Variants in CAB39 observed in about 807,000 individuals in gnomAD.
CAB39 encodes the protein calcium-binding protein 39.
Under a neutral mutation model 40.0 loss-of-function variants are expected in CAB39, and 8 were observed. That is an observed-to-expected ratio of 0.20 (90% confidence interval 0.12 to 0.36). The LOEUF is 0.36. Among genes scored for constraint, CAB39 ranks in the 10% least tolerant of loss-of-function variants. CAB39 has a pLI of 1.00. For missense variants in CAB39, 270 were observed against 401.1 expected (o/e 0.67, Z 2.79); for synonymous variants, 156 against 141.6 (o/e 1.10, Z -0.72).
chr2:230,807,578 A>T (rs1378318033), intron 5 of CAB39, among the ~76,000 whole-genome samples: 1 of 152,074 alleles, frequency 6.6e-6, no homozygotes, highest in African/African-American at 2.4e-5. Flanking sequence ...CAGTTTCCTG[A>T]GTTTCCAGAT....
intron 1 of CAB39, among the ~76,000 whole-genome samples, chr2:230,735,500 A>T (rs1387314330): frequency 1.4e-5 from 2 of 143,616 alleles, no homozygotes; most frequent in Non-Finnish European, 3.0e-5. Flanking sequence ...TGGTTTGTAT[A>T]CCTAGTTAAA....
At chr2:230,757,667 A>G (rs1051211711) in intron 1 of CAB39, among the ~76,000 whole-genome samples, 2 of 152,186 alleles carry the variant, frequency 1.3e-5, no homozygotes, top group Non-Finnish European at 2.9e-5. Context: ...GCACCGTAAC[A>G]CTTCCTGCAA....
intron 2 of CAB39, among the ~76,000 whole-genome samples, chr2:230,774,335 C>T (rs981879119): frequency 1.3e-5 from 2 of 152,182 alleles, no homozygotes; most frequent in African/African-American, 4.8e-5. Flanking sequence ...ATAGTTACCA[C>T]ATTAAGAATT....
intron 1 of CAB39, among the ~76,000 whole-genome samples, chr2:230,726,156 T>C (rs1192380597): frequency 6.6e-6 from 1 of 152,100 alleles, no homozygotes; most frequent in East Asian, 1.9e-4. Context: ...TGTTTTTGCT[T>C]TTTAATTTAA....
chr2:230,744,172 G>A (rs890570270), intron 1 of CAB39, among the ~76,000 whole-genome samples: 1 of 152,106 alleles, frequency 6.6e-6, no homozygotes, highest in African/African-American at 2.4e-5. Context: ...ACCTGCCTTG[G>A]CCTCCCAAAG....
chr2:230,797,561 G>C (rs796873164), intron 4 of CAB39, among the ~76,000 whole-genome samples: 8 of 152,174 alleles, frequency 5.3e-5, no homozygotes, highest in African/African-American at 1.9e-4. Context: ...GATGAGATTT[G>C]ATTTGAGACA....
chr2:230,800,820 A>G (rs1403588251), intron 5 of CAB39, among the ~76,000 whole-genome samples: 16 of 152,136 alleles, frequency 1.1e-4, no homozygotes, highest in Admixed American at 1.0e-3. Context: ...ATGTGCTGGA[A>G]ATGGGATTTG....
At chr2:230,749,316 C>T (rs372905409) in intron 1 of CAB39, among the ~76,000 whole-genome samples, 4 of 152,040 alleles carry the variant, frequency 2.6e-5, no homozygotes, top group African/African-American at 9.7e-5. Context: ...ACAGTATTTG[C>T]TTTCTGGAGT....
At chr2:230,791,118 T>A (rs1307457430) in intron 3 of CAB39, 82 bp downstream of exon 3, 3 of 1,079,976 alleles carry the variant, frequency 2.8e-6, no homozygotes, top group Non-Finnish European at 3.9e-6. Context: ...TGGAACATTG[T>A]AAGATTCCTT....
intron 1 of CAB39, among the ~76,000 whole-genome samples, chr2:230,759,096 G>A (rs1207944006): frequency 1.3e-5 from 2 of 152,124 alleles, no homozygotes; most frequent in Non-Finnish European, 2.9e-5. Context: ...TCATCCTCAG[G>A]GTTTTATCCA....
Position 230,721,746 on chromosome 2 carries a change from G to A in CAB39, c.-44+8516G>A, listed in dbSNP as rs1694457179. The stretch of plus-strand genomic sequence containing the variant: ...TAAACAGAGTTTTATTTTTGATGGT[G>A]ATTGTGTTACTGTTTTTCTGCAGAG... On this transcript the variant is annotated intron_variant, in intron 1 of 8. Transcript: ENST00000258418. Among the ~76,000 whole-genome samples the A allele has an allele frequency of 2.0e-5, 3 of 152,198 alleles. No homozygotes were observed. The South Asian group carries it at 6.2e-4, about 32-fold the overall frequency.
chr2:230,795,774 A>G (rs1396656363), intron 4 of CAB39, among the ~76,000 whole-genome samples: 1 of 152,204 alleles, frequency 6.6e-6, no homozygotes, highest in Non-Finnish European at 1.5e-5. Context: ...TTGTTTCTAT[A>G]AAGAAGAACC....
At chr2:230,779,042 G>A (rs972429878) in intron 2 of CAB39, 11 of 152,118 alleles carry the variant, frequency 7.2e-5, no homozygotes, top group African/African-American at 2.4e-4. Context: ...TGAGCATTAG[G>A]TGTGAACTTT....
chr2:230,745,993 T>G (rs910216439), intron 1 of CAB39, among the ~76,000 whole-genome samples: 6 of 152,208 alleles, frequency 3.9e-5, no homozygotes, highest in African/African-American at 1.4e-4. Context: ...TCATGTTTAT[T>G]TGACTCATAA....
At chr2:230,756,226 A>G (rs1695187309) in intron 1 of CAB39, among the ~76,000 whole-genome samples, 1 of 152,248 alleles carries the variant, frequency 6.6e-6, no homozygotes, top group Non-Finnish European at 1.5e-5. Context: ...TAGAGTGTAC[A>G]GTACTTACAC....
intron 1 of CAB39, among the ~76,000 whole-genome samples, chr2:230,753,390 A>T (rs1055808410): frequency 2.0e-5 from 3 of 152,170 alleles, no homozygotes; most frequent in Non-Finnish European, 4.4e-5. Flanking sequence ...GAATCCTGTC[A>T]CTGTCTGGCT....
At chr2:230,795,384 C>G (rs1320362877) in intron 4 of CAB39, among the ~76,000 whole-genome samples, 1 of 152,086 alleles carries the variant, frequency 6.6e-6, no homozygotes, top group Non-Finnish European at 1.5e-5. Flanking sequence ...TTTGTTGAAG[C>G]CTGGATTGTT....
At chr2:230,816,179 A>C (rs980808716) in intron 7 of CAB39, among the ~76,000 whole-genome samples, 1 of 152,352 alleles carries the variant, frequency 6.6e-6, no homozygotes, top group Admixed American at 6.5e-5. Flanking sequence ...AGGCTGAGGC[A>C]TGAGAATCAC....
chr2:230,744,961 A>G (rs951683417), intron 1 of CAB39, among the ~76,000 whole-genome samples: 7 of 152,238 alleles, frequency 4.6e-5, no homozygotes, highest in Non-Finnish European at 8.8e-5. Context: ...TGTTGCTCCA[A>G]TGAAGAATGA....
Sources: allele counts gnomAD v4.1 joint callset (sites outside exome capture counted in the v4.1 genomes callset), GRCh38; gene constraint gnomAD v4.1.1; transcripts MANE v1.5; gene names NCBI Gene and HGNC (gene_info 2026-07-23, HGNC 2026-07-21).